Variants in KEL observed in about 807,000 individuals in gnomAD.
KEL encodes kell blood group glycoprotein.
KEL carries 96 observed loss-of-function variants against 99.5 expected under a neutral mutation model. The observed-to-expected ratio is 0.97, with a 90% CI of 0.82 to 1.14. The LOEUF is 1.14. KEL is among the 50% of genes most tolerant of loss of function. The pLI, the probability that KEL is intolerant of heterozygous loss-of-function variation, is 0.00. For synonymous variants in KEL, 355 were observed against 354.8 expected, an observed-to-expected ratio of 1.00 and a Z score of -0.01; for missense variants, 926 against 924.2, an observed-to-expected ratio of 1.00 and a Z score of -0.03.
At chr7:142,943,761 T>C in intron 14 of KEL, 22 bp downstream of exon 14, 4 of 1,602,338 alleles carry the variant, frequency 2.5e-6, no homozygotes, top group Non-Finnish European at 3.4e-6. Flanking sequence ...ATGGAGTGCC[T>C]GTGTCTCCCC....
chr7:142,962,340 C>G lies in KEL; in HGVS notation c.-134G>C. ...AAGGGGCACTTCTGCTGCTCTTTCG[C>G]CTTGTCCCCAGACACACAGGACTGG... On this transcript the variant is annotated 5_prime_UTR_variant, in exon 1 of 19. Transcript: ENST00000355265. The G allele has an allele frequency of 3.8e-6, 4 of 1,039,010 alleles. No homozygotes were observed. Among genetic ancestry groups the G allele is most frequent in the Non-Finnish European group, 6.0e-6 (4 of 667,706 alleles). The allele number at this position is 1,039,010 out of a possible 1,614,324, so 64.4% of individuals were successfully genotyped here.
At chr7:142,946,475 G>C in intron 10 of KEL, 158 bp from the exon 11 acceptor site, 1 of 675,590 alleles carries the variant, frequency 1.5e-6, no homozygotes, top group Non-Finnish European at 2.7e-6. Flanking sequence ...GCACATCACC[G>C]ATCAGTACAA....
In KEL at chr7:142,941,545, A is replaced by G. The variant is rs1428850435; in HGVS notation, c.2038-132T>C. On this transcript the variant is annotated intron_variant, in intron 18 of 18. Coordinates refer to ENST00000355265, the MANE Select transcript of KEL (RefSeq NM_000420.3). Reference sequence around the variant, plus strand: ...AAGTGCCCCAAGGGCCACATGGAGCATTTGAAATGTATAGTTCATTTAATC... The same window carrying G: ...AAGTGCCCCAAGGGCCACATGGAGCGTTTGAAATGTATAGTTCATTTAATC... The G allele has an allele frequency of 3.8e-5, 29 of 769,960 alleles. No individual in the cohort carries two copies. The Admixed American group carries it at 7.1e-4, about 19-fold the overall frequency. 47.7% of individuals were successfully genotyped at this position (769,960 alleles called of 1,614,324 possible).
At chr7:142,959,571 T>C (rs1397478592) in intron 4 of KEL, among the ~76,000 whole-genome samples, 4 of 152,156 alleles carry the variant, frequency 2.6e-5, no homozygotes, top group African/African-American at 7.2e-5. Context: ...TAGAGAACTT[T>C]AAGGATTTGG....
Position 142,943,279 on chromosome 7 carries a change from G to A in KEL, c.1768C>T (p.Leu590Phe). The change falls in exon 16 of 19, where the codon CTC (leucine) becomes TTC (phenylalanine). Residue 590 changes from leucine (L) to phenylalanine (F), a missense_variant. Leu to Phe is a conservative substitution (Grantham distance 22). Transcript: ENST00000355265. ...CCCAGTGGCCCCTGTTACCCACAGA[G>A]CTGGTAGAAGATGTGCAACAGCTCG... Reference protein sequence around the residue: ...AHELLHIFYQLLLPGGCLACD... With the variant: ...AHELLHIFYQFLLPGGCLACD... The A allele has an allele frequency of 6.2e-7, 1 of 1,613,832 alleles. No homozygotes were observed. The highest frequency in any genetic ancestry group is 1.1e-5 in the South Asian group (1 of 90,942).
Position 142,960,925 on chromosome 7 carries a change from C to T in KEL, c.400+3G>A, listed in dbSNP as rs1255065470. The T allele has an allele frequency of 2.5e-6, 4 of 1,614,068 alleles. No individual in the cohort carries two copies. The African/African-American group carries it at 5.3e-5, about 22-fold the overall frequency. ...AGAGCATCTTCCACCCTGCTTTCCTCACCCAGTATTCTCCGAAGTCGGTTT... is the reference window on the plus strand; with the variant it reads ...AGAGCATCTTCCACCCTGCTTTCCTTACCCAGTATTCTCCGAAGTCGGTTT... On this transcript the variant is annotated splice_donor_region_variant and intron_variant, in intron 4 of 18. Coordinates refer to ENST00000355265, the MANE Select transcript of KEL (RefSeq NM_000420.3).
chr7:142,945,777 C>T (rs1233075456), intron 11 of KEL, among the ~76,000 whole-genome samples: 1 of 152,022 alleles, frequency 6.6e-6, no homozygotes, highest in Non-Finnish European at 1.5e-5. Context: ...TACAGGCATG[C>T]ACCACCACGC....
At chr7:142,944,130 C>T (rs943751924) in intron 13 of KEL, among the ~76,000 whole-genome samples, 193 bp downstream of exon 13, 1 of 152,136 alleles carries the variant, frequency 6.6e-6, no homozygotes, top group African/African-American at 2.4e-5. Context: ...TGCGTTGGGA[C>T]CTGAAAAGAT....
chr7:142,961,168 T>G (rs913720830), intron 3 of KEL, 64 bp from the exon 4 acceptor site: 3 of 1,584,740 alleles, frequency 1.9e-6, no homozygotes, highest in Non-Finnish European at 2.6e-6. Flanking sequence ...CCCAAGGGGC[T>G]AGGCAAAGAA....
At chr7:142,955,319 A>G (rs886313759) in intron 6 of KEL, among the ~76,000 whole-genome samples, 1 of 152,194 alleles carries the variant, frequency 6.6e-6, no homozygotes, top group African/African-American at 2.4e-5. Context: ...TCAATTTTGA[A>G]AAGAATCATG....
chr7:142,953,678 C>T (rs2116668868), intron 9 of KEL, 130 bp downstream of exon 9: 3 of 1,070,934 alleles, frequency 2.8e-6, no homozygotes, highest in Non-Finnish European at 4.3e-6. Flanking sequence ...GCACAGGTGG[C>T]AGGTTCCTCT....
chr7:142,951,490 G>T (rs1796684582), intron 10 of KEL, among the ~76,000 whole-genome samples: 1 of 152,136 alleles, frequency 6.6e-6, no homozygotes, highest in Non-Finnish European at 1.5e-5. Flanking sequence ...CAGACTGCCA[G>T]GGTTCAAATC....
At chr7:142,956,374 G>A (rs577786485) in intron 6 of KEL, among the ~76,000 whole-genome samples, 18 of 151,468 alleles carry the variant, frequency 1.2e-4, no homozygotes, top group African/African-American at 3.4e-4. Flanking sequence ...CTGACTCTAC[G>A]CACAACCATC....
At position 142,943,070 on chromosome 7, in the gene KEL, T is replaced by C. The variant is rs111834310; in HGVS notation, c.1772-26A>G. 1.0e-4 allele frequency: 167 copies of C among 1,612,934 alleles called. No homozygotes were observed. In the Middle Eastern group the frequency reaches 1.3e-3, roughly 12 times the overall value. On this transcript the variant is annotated intron_variant, in intron 16 of 18. Transcript: ENST00000355265. ...CTGTTGAAAATGGGACAAGAGAACA[T>C]ACAGCAAGAGAACATAGGGTTGGTG...
intron 10 of KEL, among the ~76,000 whole-genome samples, chr7:142,950,231 G>C (rs893860758): frequency 1.3e-5 from 2 of 152,170 alleles, no homozygotes; most frequent in East Asian, 1.9e-4. Context: ...TTCATACAGA[G>C]AGAAGCAAAA....
rs61729049 is a variant in KEL at position 142,953,933 on chromosome 7, C to G, written c.948G>C (p.Trp316Cys). The G allele has an allele frequency of 1.4e-5, 22 of 1,614,086 alleles. No individual in the cohort carries two copies. Among genetic ancestry groups the G allele is most frequent in the Non-Finnish European group, 1.9e-5 (22 of 1,179,998 alleles). Residue 316 changes from tryptophan (W) to cysteine (C), a missense_variant, in exon 9 of 19, where the codon TGG (tryptophan) becomes TGC (cysteine). Physicochemically the swap from Trp to Cys is radical, Grantham distance 215 (BLOSUM62 -2). Transcript: ENST00000355265. ...QLKEMAPAID[W>C]LSCLQATFTP... ...TGAATGTCGCTTGCAAGCAGGACAA[C>G]CAGTCGATGGCGGGGGCCATTTCCT...
At chr7:142,942,301 A>G in intron 18 of KEL, 133 bp downstream of exon 18, 1 of 684,926 alleles carries the variant, frequency 1.5e-6, no homozygotes, top group Non-Finnish European at 2.7e-6. Flanking sequence ...AGAAAAGATA[A>G]CAGTGAGGAC....
rs781359849 is a variant in KEL, at chr7:142,942,992, G to A, written c.1824C>T (p.His608=). ...ACDNHALQEA[H]LCLKRHYAAF... ...CAGCATAATGGCGCTTCAGGCACAGGTGAGCTTCCTGGAGGGCATGGTTGT... is the reference window on the plus strand; with the variant it reads ...CAGCATAATGGCGCTTCAGGCACAGATGAGCTTCCTGGAGGGCATGGTTGT... The change falls in exon 17 of 19, where the codon CAC becomes CAT. Residue 608 remains histidine (H), a synonymous_variant. Coordinates refer to ENST00000355265, the MANE Select transcript of KEL (RefSeq NM_000420.3). 3 of 1,614,186 alleles carry A rather than the reference G, an allele frequency of 1.9e-6. No individual in the cohort carries two copies. The highest frequency in any genetic ancestry group is 2.5e-6 in the Non-Finnish European group (3 of 1,180,034).
chr7:142,942,791 G>T, intron 17 of KEL, 84 bp downstream of exon 17: 1 of 1,528,522 alleles, frequency 6.5e-7, no homozygotes, highest in Non-Finnish European at 9.1e-7. Flanking sequence ...CTGTACTTGT[G>T]TCAGGAATGG....
Sources: gnomAD v4.1 joint callset for allele counts (sites outside exome capture counted in the v4.1 genomes callset) on GRCh38, gnomAD v4.1.1 for gene constraint, MANE v1.5 for transcripts, NCBI Gene and HGNC (gene_info 2026-07-23, HGNC 2026-07-21) for gene names.